LARP4B: variants seen among roughly 807,000 people sequenced by gnomAD.
The protein encoded by LARP4B is la-related protein 4B.
LARP4B carries 12 observed loss-of-function variants against 89.8 expected under a neutral mutation model. That is an observed-to-expected ratio of 0.13 (90% confidence interval 0.09 to 0.22). The LOEUF is 0.22. Among genes scored for constraint, LARP4B ranks in the 10% least tolerant of loss-of-function variants. The probability of loss-of-function intolerance (pLI) is 1.00; values close to 1 mark genes in which losing one functional copy is unlikely to be tolerated. For synonymous variants in LARP4B, 367 were observed against 363.3 expected, an observed-to-expected ratio of 1.01 and a Z score of -0.12; for missense variants, 757 against 947.7, an observed-to-expected ratio of 0.80 and a Z score of 2.64.
chr10:978,576 G>C, the LARP4B span, among the ~76,000 whole-genome samples: 1 of 151,900 alleles, frequency 6.6e-6, no homozygotes, highest in Non-Finnish European at 1.5e-5. Context: ...CATTAACCTA[G>C]GAATTATAAC....
upstream of LARP4B, among the ~76,000 whole-genome samples, chr10:933,739 G>T (rs1003400319): frequency 6.6e-6 from 1 of 152,074 alleles, no homozygotes; most frequent in African/African-American, 2.4e-5. Context: ...TTACCTCCAC[G>T]GATAACCTAC....
chr10:855,112 G>A (rs1307796188), intron 5 of LARP4B, among the ~76,000 whole-genome samples: 1 of 152,162 alleles, frequency 6.6e-6, no homozygotes, highest in African/African-American at 2.4e-5. Flanking sequence ...CTCTGGATTA[G>A]ACTTTGGCTT....
At chr10:908,863 G>A (rs551777062) in intron 1 of LARP4B, among the ~76,000 whole-genome samples, 6 of 152,190 alleles carry the variant, frequency 3.9e-5, no homozygotes, top group Admixed American at 2.6e-4. Context: ...TGCAGCACGG[G>A]GGGGGCCTCC....
At chr10:945,549 A>C in the LARP4B span, among the ~76,000 whole-genome samples, 2 of 151,952 alleles carry the variant, frequency 1.3e-5, no homozygotes, top group Non-Finnish European at 2.9e-5. Context: ...TTAGCCGGGC[A>C]TGGTGGCGGG....
intron 1 of LARP4B, among the ~76,000 whole-genome samples, chr10:912,715 A>G (rs1309608787): frequency 6.7e-6 from 1 of 149,752 alleles, no homozygotes; most frequent in Non-Finnish European, 1.5e-5. Flanking sequence ...TGACAAAAAA[A>G]AAAAAAAAAA....
chr10:940,661 G>A, the LARP4B span, among the ~76,000 whole-genome samples: 1 of 152,212 alleles, frequency 6.6e-6, no homozygotes, highest in Non-Finnish European at 1.5e-5. Flanking sequence ...AAATAGCACG[G>A]GCATTTGTGG....
At chr10:965,050 G>A in the LARP4B span, among the ~76,000 whole-genome samples, 43 of 152,350 alleles carry the variant, frequency 2.8e-4, no homozygotes, top group Non-Finnish European at 6.2e-4. Flanking sequence ...GGGCTGCCTG[G>A]GAGCCATGCA....
At chr10:926,863 C>T (rs1588996626) in intron 1 of LARP4B, among the ~76,000 whole-genome samples, 1 of 152,068 alleles carries the variant, frequency 6.6e-6, no homozygotes, top group Non-Finnish European at 1.5e-5. Flanking sequence ...ACAGTGAAAC[C>T]CAATTTGTAC....
intron 5 of LARP4B, 135 bp from the exon 6 acceptor site, chr10:845,190 C>T: frequency 1.7e-6 from 1 of 572,374 alleles, no homozygotes; most frequent in African/African-American, 1.9e-5. Context: ...AAGAAAAATG[C>T]TACTTTACCT....
At chr10:880,599 T>C (rs1281208870) in intron 3 of LARP4B, among the ~76,000 whole-genome samples, 1 of 151,924 alleles carries the variant, frequency 6.6e-6, no homozygotes, top group Non-Finnish European at 1.5e-5. Context: ...GGCACAAGAA[T>C]AGCTTGAACC....
intron 5 of LARP4B, 136 bp downstream of exon 5, chr10:863,607 T>G: frequency 1.0e-6 from 1 of 960,912 alleles, no homozygotes; most frequent in South Asian, 1.9e-5. Context: ...TGCATCCACA[T>G]AAGGGTGAGT....
the LARP4B span, chr10:987,610 G>C: frequency 6.6e-6 from 1 of 152,208 alleles, no homozygotes; most frequent in Admixed American, 6.5e-5. Context: ...CAGCAGCTCT[G>C]AACACTGCTT....
At chr10:872,999 T>G (rs751974599) in intron 3 of LARP4B, 3 of 983,322 alleles carry the variant, frequency 3.1e-6, no homozygotes, top group Non-Finnish European at 3.6e-6. Flanking sequence ...ACGGTGAACC[T>G]CCTCACCTTT....
intron 1 of LARP4B, among the ~76,000 whole-genome samples, chr10:929,656 T>C (rs1837245863): frequency 6.6e-6 from 1 of 152,152 alleles, no homozygotes; most frequent in Admixed American, 6.6e-5. Flanking sequence ...AACATTTCCA[T>C]GTTTGTGTTA....
the LARP4B span, among the ~76,000 whole-genome samples, chr10:974,666 T>C: frequency 6.6e-6 from 1 of 152,216 alleles, no homozygotes; most frequent in African/African-American, 2.4e-5. Context: ...AGGCCACTGG[T>C]CCGAGCTCCC....
intron 3 of LARP4B, among the ~76,000 whole-genome samples, chr10:882,812 C>T (rs1234487595): frequency 2.0e-5 from 3 of 152,132 alleles, no homozygotes; most frequent in South Asian, 2.1e-4. Context: ...CTCTATTGCA[C>T]GTCTCCTCCT....
chr10:838,310 G>C (rs1170147636), intron 7 of LARP4B, among the ~76,000 whole-genome samples: 2 of 152,138 alleles, frequency 1.3e-5, no homozygotes, highest in African/African-American at 4.8e-5. Context: ...CTTCGTGAAA[G>C]GCAACGTCAA....
chr10:864,853 TG>T (rs1245110357), intron 3 of LARP4B, among the ~76,000 whole-genome samples: 4 of 152,142 alleles, frequency 2.6e-5, no homozygotes, highest in African/African-American at 9.7e-5. Context: ...CTCGAGAGGC[TG>T]AGGCAGGAGA....
intron 14 of LARP4B, chr10:819,950 C>T (rs2131614648): frequency 6.6e-6 from 1 of 152,354 alleles, no homozygotes; most frequent in Middle Eastern, 3.4e-3. Context: ...GCATCCCTCC[C>T]ATCTTCGTGG....
Sources: allele counts gnomAD v4.1 joint callset (sites outside exome capture counted in the v4.1 genomes callset), GRCh38; gene constraint gnomAD v4.1.1; transcripts MANE v1.5; gene names NCBI Gene and HGNC (gene_info 2026-07-23, HGNC 2026-07-21).